ABCA13: variants seen among roughly 807,000 people sequenced by gnomAD.
ABCA13 encodes ATP-binding cassette sub-family A member 13.
A neutral mutation model predicts 478.7 loss-of-function variants in ABCA13; 476 were observed. The observed-to-expected ratio is 0.99, with a 90% CI of 0.92 to 1.07. The LOEUF (loss-of-function observed/expected upper bound fraction) is 1.07. ABCA13 is among the 50% of genes least tolerant of loss of function. The pLI is 0.00. For synonymous variants in ABCA13, 2,252 were observed against 2,158.9 expected (o/e 1.04, Z -1.20); for missense variants, 6,060 against 5,910.6 (o/e 1.03, Z -0.83).
Position 48,507,918 on chromosome 7 carries a change from G to A in ABCA13, c.13393G>A (p.Gly4465Arg), listed in dbSNP as rs753668714. Residue 4465 changes from glycine to arginine, a missense_variant, in exon 50 of 62, where the codon GGA becomes AGA. This residue lies in a region of ABCA13 where 1,627 missense variants were observed against 1,571.0 expected (regional missense o/e 1.04). Transcript: ENST00000435803. ...QCGVALCIVLGFSILSASIGS... is the reference protein window; with the variant it reads ...QCGVALCIVLRFSILSASIGS... ...TGGAGTGGCCCTCTGCATCGTGCTG[G>A]GATTCTCCATCCTGTCTGCATCCAT... is the stretch of plus-strand genomic sequence containing the variant. 1.2e-6 allele frequency: 2 copies of A among 1,613,078 alleles called. No individual in the cohort carries two copies. The highest frequency in any genetic ancestry group is 1.1e-5 in the South Asian group (1 of 90,842).
chr7:48,209,350 GT>G (rs1301796881), intron 3 of ABCA13, among the ~76,000 whole-genome samples: 4 of 151,932 alleles, frequency 2.6e-5, no homozygotes, highest in Admixed American at 2.6e-4. Flanking sequence ...TATATGTCTG[GT>G]TTTGGTATCA....
intron 3 of ABCA13, among the ~76,000 whole-genome samples, chr7:48,204,289 A>C (rs1251335391): frequency 6.6e-6 from 1 of 150,978 alleles, no homozygotes; most frequent in Non-Finnish European, 1.5e-5. Flanking sequence ...GGCTCACTGC[A>C]ACCTCCGCCT....
At chr7:48,587,457 T>G (rs950452691) in intron 57 of ABCA13, among the ~76,000 whole-genome samples, 169 bp downstream of exon 57, 5 of 152,220 alleles carry the variant, frequency 3.3e-5, no homozygotes, top group African/African-American at 1.2e-4. Context: ...TCATTTGTAT[T>G]TTACAGAAAT....
rs1563017817 is a variant in ABCA13, at chr7:48,308,792, T to C, written c.9322-1155T>C. 2.0e-5 allele frequency among the ~76,000 whole-genome samples: 3 copies of C among 151,546 alleles called. No individual in the cohort carries two copies. The South Asian group carries it at 6.3e-4, about 32-fold the overall frequency. The stretch of plus-strand genomic sequence containing the variant: ...CTTTTTACTGTACCTTTTCTATGTT[T>C]AGATATGTTCAGCCACACAAATACT... On this transcript the variant is annotated intron_variant, in intron 23 of 61. Coordinates refer to ENST00000435803, the MANE Select transcript of ABCA13 (RefSeq NM_152701.5).
chr7:48,644,077 A>G (rs983678166), intron 60 of ABCA13, among the ~76,000 whole-genome samples: 19 of 152,204 alleles, frequency 1.2e-4, no homozygotes, highest in African/African-American at 4.3e-4. Flanking sequence ...ACTGTCATTT[A>G]GTGAAATCCT....
chr7:48,587,021 A>G, intron 56 of ABCA13, 133 bp from the exon 57 acceptor site: 1 of 1,190,538 alleles, frequency 8.4e-7, no homozygotes, highest in Non-Finnish European at 1.2e-6. Flanking sequence ...ATGTTTCAGG[A>G]GATGTACTTG....
At chr7:48,368,067 G>T (rs1811965433) in intron 32 of ABCA13, among the ~76,000 whole-genome samples, 159 bp downstream of exon 32, 1 of 152,094 alleles carries the variant, frequency 6.6e-6, no homozygotes, top group Non-Finnish European at 1.5e-5. Flanking sequence ...GTTCCAGAAA[G>T]AAGATTTTAT....
intron 58 of ABCA13, among the ~76,000 whole-genome samples, chr7:48,595,713 C>A (rs149904040): frequency 9.3e-4 from 141 of 152,330 alleles, no homozygotes; most frequent in African/African-American, 3.2e-3. Flanking sequence ...AATGCCAAAT[C>A]TGGTGAAATT....
chr7:48,495,012 A>G (rs886252533), intron 48 of ABCA13, among the ~76,000 whole-genome samples: 7 of 152,190 alleles, frequency 4.6e-5, no homozygotes, highest in African/African-American at 1.7e-4. Flanking sequence ...AGAAAGTAAG[A>G]AGGAATGATG....
rs1441619897 is a variant in ABCA13 at position 48,275,254 on chromosome 7, A to T, written c.5588A>T (p.His1863Leu). 1.9e-6 allele frequency: 3 copies of T among 1,613,688 alleles called. No homozygotes were observed. In the East Asian group the frequency reaches 6.7e-5, roughly 36 times the overall value. ...GTGGCCAGTATACTTGATCATTTCC[A>T]CCTGTCTCCCCAAGGTGAAGATTCA... ...GKVASILDHF[H>L]LSPQGEDSPC... The change falls in exon 17 of 62, where the codon CAC (histidine) becomes CTC (leucine). Residue 1863 changes from histidine to leucine, a missense_variant. Physicochemically the swap from His to Leu is moderately conservative, Grantham distance 99 (BLOSUM62 -3). This residue lies in a region of ABCA13 where 4,423 missense variants were observed against 4,309.1 expected (regional missense o/e 1.03). Transcript: ENST00000435803.
intron 59 of ABCA13, among the ~76,000 whole-genome samples, chr7:48,623,371 A>C (rs1417659168): frequency 6.6e-6 from 1 of 152,110 alleles, no homozygotes; most frequent in African/African-American, 2.4e-5. Flanking sequence ...AATCTGCTTA[A>C]TTATTGAGTG....
At chr7:48,327,799 A>T (rs1054300238) in intron 27 of ABCA13, among the ~76,000 whole-genome samples, 1 of 152,228 alleles carries the variant, frequency 6.6e-6, no homozygotes, top group African/African-American at 2.4e-5. Flanking sequence ...TCATTTTAAA[A>T]AATAACTTTG....
At position 48,615,396 on chromosome 7, in the gene ABCA13, T is replaced by A. The variant is rs774498828; in HGVS notation, c.14837+19T>A. On this transcript the variant is annotated intron_variant, in intron 59 of 61. Coordinates refer to ENST00000435803, the MANE Select transcript of ABCA13 (RefSeq NM_152701.5). ...AAAATAGGTGCGTTGAAGTTCTCCT[T>A]TTGCTTAGATATTTACTATGAAATC... 6.5e-7 allele frequency: 1 copy of A among 1,546,176 alleles called. No homozygotes were observed.
At chr7:48,603,685 AT>A in intron 58 of ABCA13, 1 of 195,076 alleles carries the variant, frequency 5.1e-6, no homozygotes. Context: ...TTGGCCTAAA[AT>A]TTTCTTTTTT....
rs748081124 is a variant in ABCA13, at chr7:48,276,136, A to T, written c.6470A>T (p.Asp2157Val). 6 of 1,597,498 alleles carry T rather than the reference A, an allele frequency of 3.8e-6. No individual in the cohort carries two copies. ...GTGACCAATGAGAGTTCAACTGAAG[A>T]TATAGCTTTGTTAGCCAAAGCTATT... ...IPVTNESSTE[D>V]IALLAKAIAT... Residue 2157 changes from aspartate (D) to valine (V), a missense_variant, in exon 17 of 62, where the codon GAT becomes GTT. Coordinates refer to ENST00000435803, the MANE Select transcript of ABCA13 (RefSeq NM_152701.5).
At chr7:48,179,651 G>C (rs1381251122) in intron 1 of ABCA13, among the ~76,000 whole-genome samples, 2 of 152,180 alleles carry the variant, frequency 1.3e-5, no homozygotes, top group Non-Finnish European at 2.9e-5. Context: ...ACGGTGCTCT[G>C]TCCCGGAGCC....
chr7:48,173,108 A>T (rs967049844), intron 1 of ABCA13, among the ~76,000 whole-genome samples: 1 of 152,220 alleles, frequency 6.6e-6, no homozygotes, highest in African/African-American at 2.4e-5. Flanking sequence ...CTTGAGTTTT[A>T]AAAAATTTTC....
At chr7:48,557,122 T>C (rs1361232494) in intron 55 of ABCA13, among the ~76,000 whole-genome samples, 1 of 152,100 alleles carries the variant, frequency 6.6e-6, no homozygotes, top group Non-Finnish European at 1.5e-5. Context: ...TAACTTTTTT[T>C]GTTTCTCTTT....
intron 41 of ABCA13, among the ~76,000 whole-genome samples, chr7:48,422,334 C>A (rs1820884214): frequency 6.6e-6 from 1 of 152,162 alleles, no homozygotes; most frequent in Admixed American, 6.5e-5. Context: ...GTCTTGTTAA[C>A]ACTGACTGTG....
Sources: allele counts gnomAD v4.1 joint callset (sites outside exome capture counted in the v4.1 genomes callset), GRCh38; gene constraint gnomAD v4.1.1; regional missense constraint gnomAD v4.1.1; transcripts MANE v1.5; gene names NCBI Gene and HGNC (gene_info 2026-07-23, HGNC 2026-07-21).